UBL3: variants seen among roughly 807,000 people sequenced by gnomAD.
The protein encoded by UBL3 is ubiquitin-like protein 3.
A neutral mutation model predicts 18.4 loss-of-function variants in UBL3; 6 were observed. That is an observed-to-expected ratio of 0.33 (90% CI 0.18 to 0.64). UBL3 has a LOEUF of 0.64. Among genes scored for constraint, UBL3 ranks in the 30% least tolerant of loss-of-function variants. The probability of loss-of-function intolerance (pLI) is 0.76; values close to 1 mark genes in which losing one functional copy is unlikely to be tolerated. For missense variants in UBL3, 109 were observed against 142.9 expected, an observed-to-expected ratio of 0.76 and a Z score of 1.21; for synonymous variants, 49 against 46.6, an observed-to-expected ratio of 1.05 and a Z score of -0.21.
intron 1 of UBL3, among the ~76,000 whole-genome samples, chr13:29,832,935 G>C (rs1878819549): frequency 6.6e-6 from 1 of 152,228 alleles, no homozygotes; most frequent in South Asian, 2.1e-4. Flanking sequence ...ATAAAGAGAA[G>C]TCAAGGTCCA....
intron 1 of UBL3, among the ~76,000 whole-genome samples, chr13:29,795,691 A>G (rs572340770): frequency 2.7e-4 from 40 of 147,194 alleles, no homozygotes; most frequent in African/African-American, 9.4e-4. Flanking sequence ...AGGCTGAGGC[A>G]GGAGGATCAC....
chr13:29,794,647 A>T (rs36082926), intron 1 of UBL3, among the ~76,000 whole-genome samples: 11,376 of 152,238 alleles, frequency 0.075, 488 homozygotes, highest in Middle Eastern at 0.1. Flanking sequence ...ACCTGTCAGC[A>T]TCCTAGTTTA....
At chr13:29,799,095 A>G (rs995846987) in intron 1 of UBL3, among the ~76,000 whole-genome samples, 2 of 152,208 alleles carry the variant, frequency 1.3e-5, no homozygotes, top group African/African-American at 4.8e-5. Context: ...TAGACCAGAT[A>G]AATTCTTCAT....
At chr13:29,796,625 A>G (rs1310457127) in intron 1 of UBL3, among the ~76,000 whole-genome samples, 1 of 152,344 alleles carries the variant, frequency 6.6e-6, no homozygotes, top group East Asian at 1.9e-4. Context: ...TGGAAGTGAC[A>G]CTGCCCAATA....
At chr13:29,820,277 A>T (rs192178499) in intron 1 of UBL3, among the ~76,000 whole-genome samples, 3 of 150,982 alleles carry the variant, frequency 2.0e-5, no homozygotes, top group Admixed American at 6.6e-5. Context: ...CCCAGGTTCA[A>T]GCAATTCTCT....
intron 3 of UBL3, 27 bp downstream of exon 3, chr13:29,772,085 A>C: frequency 1.3e-6 from 2 of 1,578,752 alleles, no homozygotes; most frequent in South Asian, 2.2e-5. Flanking sequence ...GACAGACATT[A>C]AATCCCATTA....
At chr13:29,839,379 T>C (rs1241949964) in intron 1 of UBL3, among the ~76,000 whole-genome samples, 1 of 152,216 alleles carries the variant, frequency 6.6e-6, no homozygotes, top group Non-Finnish European at 1.5e-5. Flanking sequence ...TTTTAAAATA[T>C]GCTTTATTGA....
intron 1 of UBL3, among the ~76,000 whole-genome samples, chr13:29,796,851 C>A (rs1379102215): frequency 6.6e-6 from 1 of 152,142 alleles, no homozygotes; most frequent in Non-Finnish European, 1.5e-5. Flanking sequence ...TTTGAGGATT[C>A]TTTCAGCCTT....
chr13:29,778,164 G>A (rs1877051283), intron 1 of UBL3, among the ~76,000 whole-genome samples: 1 of 152,038 alleles, frequency 6.6e-6, no homozygotes, highest in Admixed American at 6.5e-5. Flanking sequence ...ATTTTTTAGG[G>A]GGAGTAAGGT....
chr13:29,845,937 T>C (rs954767316), intron 1 of UBL3, among the ~76,000 whole-genome samples: 20 of 152,148 alleles, frequency 1.3e-4, no homozygotes, highest in African/African-American at 4.3e-4. Context: ...AAGCTCTAAA[T>C]AGTAGCCTAA....
intron 1 of UBL3, among the ~76,000 whole-genome samples, chr13:29,842,800 T>C (rs1341245936): frequency 6.6e-6 from 1 of 152,006 alleles, no homozygotes; most frequent in Non-Finnish European, 1.5e-5. Flanking sequence ...CTGCAAAACA[T>C]AACTAACAGC....
intron 1 of UBL3, among the ~76,000 whole-genome samples, chr13:29,780,353 C>A (rs1404052416): frequency 5.8e-3 from 49 of 8,416 alleles, no homozygotes; most frequent in South Asian, 0.022. Context: ...GACTCTGTCT[C>A]AAAAAAAAAA....
At position 29,849,838 on chromosome 13, in the gene UBL3, G is replaced by A. The variant is rs969746205; in HGVS notation, c.-300C>T. On this transcript the variant is annotated 5_prime_UTR_variant, in exon 1 of 5. Coordinates refer to ENST00000380680, the MANE Select transcript of UBL3 (RefSeq NM_007106.4). ...AGCAGCCCCAGGACCGGCCGCGCCA[G>A]GTGGACCGAGCCGAGTGACACACGG... 2.4e-5 allele frequency: 13 copies of A among 531,036 alleles called. No individual in the cohort carries two copies. The Admixed American group carries it at 4.2e-4, about 17-fold the overall frequency. The allele number at this position is 531,036 out of a possible 1,614,324, so 32.9% of individuals were successfully genotyped here.
intron 1 of UBL3, among the ~76,000 whole-genome samples, chr13:29,837,211 G>C (rs1173219352): frequency 6.6e-6 from 1 of 152,030 alleles, no homozygotes; most frequent in African/African-American, 2.4e-5. Flanking sequence ...CAAGGAAAAA[G>C]GATCAAATAA....
chr13:29,839,751 C>T (rs2388245), intron 1 of UBL3, among the ~76,000 whole-genome samples: 137 of 151,898 alleles, frequency 9.0e-4, no homozygotes, highest in Non-Finnish European at 1.7e-3. Context: ...CACGGTGAGA[C>T]CCCGTCTCTA....
chr13:29,825,655 C>A (rs1382992648), intron 1 of UBL3, among the ~76,000 whole-genome samples: 3 of 152,166 alleles, frequency 2.0e-5, no homozygotes, highest in Non-Finnish European at 4.4e-5. Context: ...CAAACAGGGA[C>A]AATTTAACTT....
intron 1 of UBL3, among the ~76,000 whole-genome samples, chr13:29,848,675 C>G (rs1003983849): frequency 1.3e-5 from 2 of 152,136 alleles, no homozygotes; most frequent in Non-Finnish European, 2.9e-5. Flanking sequence ...CAAAATGTAA[C>G]TTCACACTCA....
rs1876675085 is a variant in UBL3 at position 29,766,207 on chromosome 13, T to C, written c.*1048A>G. The C allele has an allele frequency of 6.6e-6, 1 of 152,578 alleles. No homozygotes were observed. The highest frequency in any genetic ancestry group is 2.1e-4 in the South Asian group (1 of 4,834). The allele number at this position is 152,578 out of a possible 1,614,324, so 9.5% of individuals were successfully genotyped here. On this transcript the variant is annotated 3_prime_UTR_variant, in exon 5 of 5. Coordinates refer to ENST00000380680, the MANE Select transcript of UBL3 (RefSeq NM_007106.4). Reference sequence around the variant, plus strand: ...AATAAAAGAAAAAGTGGCATTCTTGTGTATGCCATAAAAATCAGCTTTTGA... The same window carrying C: ...AATAAAAGAAAAAGTGGCATTCTTGCGTATGCCATAAAAATCAGCTTTTGA...
At chr13:29,805,437 A>G (rs1207622399) in intron 1 of UBL3, among the ~76,000 whole-genome samples, 3 of 152,204 alleles carry the variant, frequency 2.0e-5, no homozygotes. Context: ...CCCCTCTTCC[A>G]AGAGTCTGAT....
Sources: gnomAD v4.1 joint callset for allele counts (sites outside exome capture counted in the v4.1 genomes callset) on GRCh38, gnomAD v4.1.1 for gene constraint, MANE v1.5 for transcripts, NCBI Gene and HGNC (gene_info 2026-07-23, HGNC 2026-07-21) for gene names.